The following SDK1 variants were observed in gnomAD, a reference collection of about 807,000 sequenced individuals.
The protein encoded by SDK1 is sidekick cell adhesion molecule 1, also known as protein sidekick-1.
In SDK1, 157 loss-of-function variants were observed where a neutral mutation model predicts 245.5. The observed-to-expected ratio is 0.64, with a 90% CI of 0.56 to 0.73. The LOEUF (loss-of-function observed/expected upper bound fraction) is 0.73. SDK1 is among the 30% of genes least tolerant of loss of function. The pLI, the probability that SDK1 is intolerant of heterozygous loss-of-function variation, is 0.00. For missense variants in SDK1, 3,583 were observed against 3,002.3 expected, an observed-to-expected ratio of 1.19 and a Z score of -4.52; for synonymous variants, 1,647 against 1,278.5, an observed-to-expected ratio of 1.29 and a Z score of -6.15.
rs190202390 is a variant in SDK1, at chr7:3,393,961, G to A, written c.298+92077G>A. Among the ~76,000 whole-genome samples, 177 of 152,174 alleles carry A rather than the reference G, an allele frequency of 1.2e-3. 1 individual carries two copies. The highest frequency in any genetic ancestry group is 4.1e-3 in the African/African-American group (169 of 41,528). On this transcript the variant is annotated intron_variant, in intron 1 of 44. Coordinates refer to ENST00000404826, the MANE Select transcript of SDK1 (RefSeq NM_152744.4). ...ATTTATTATAGTGTTCATCATTTGGGCTTATTTGTACCCATCCTTCTTGGG... is the reference window on the plus strand; with the variant it reads ...ATTTATTATAGTGTTCATCATTTGGACTTATTTGTACCCATCCTTCTTGGG...
intron 31 of SDK1, among the ~76,000 whole-genome samples, chr7:4,158,858 G>T (rs931552309): frequency 3.1e-4 from 47 of 152,310 alleles, no homozygotes; most frequent in African/African-American, 1.0e-3. Context: ...GGGTAGCTGG[G>T]TTTTAAGAGA....
intron 5 of SDK1, among the ~76,000 whole-genome samples, chr7:3,908,766 G>A (rs184924996): frequency 6.6e-6 from 1 of 152,142 alleles, no homozygotes; most frequent in Non-Finnish European, 1.5e-5. Flanking sequence ...GTGTCTCCCG[G>A]ATGTCTAGAG....
chr7:3,431,312 G>C (rs939011911), intron 1 of SDK1, among the ~76,000 whole-genome samples: 7 of 147,682 alleles, frequency 4.7e-5, no homozygotes, highest in African/African-American at 1.8e-4. Context: ...AAAGAGCTGT[G>C]ATATGAAGAA....
intron 4 of SDK1, among the ~76,000 whole-genome samples, chr7:3,672,036 C>T (rs914979654): frequency 1.3e-5 from 2 of 152,236 alleles, no homozygotes; most frequent in Admixed American, 6.5e-5. Flanking sequence ...CTCTGAAGTC[C>T]TGGCGGCCTC....
chr7:4,258,351 C>T (rs1787753013), intron 44 of SDK1, among the ~76,000 whole-genome samples: 1 of 152,114 alleles, frequency 6.6e-6, no homozygotes, highest in African/African-American at 2.4e-5. Flanking sequence ...GAGGGGTGGG[C>T]AGGGGTGTAC....
chr7:4,147,074 C>G (rs1332951902), intron 29 of SDK1, among the ~76,000 whole-genome samples: 1 of 152,236 alleles, frequency 6.6e-6, no homozygotes, highest in Non-Finnish European at 1.5e-5. Flanking sequence ...ACTCCAGGTC[C>G]TGATGTCATG....
chr7:3,303,253 A>G (rs1779328671), intron 1 of SDK1, among the ~76,000 whole-genome samples: 1 of 152,250 alleles, frequency 6.6e-6, no homozygotes, highest in African/African-American at 2.4e-5. Context: ...GGATCTGTAG[A>G]TTGTTAGAGC....
chr7:3,949,644 A>G (rs1780718558), intron 5 of SDK1, among the ~76,000 whole-genome samples: 1 of 152,154 alleles, frequency 6.6e-6, no homozygotes, highest in Admixed American at 6.5e-5. Flanking sequence ...GAAATGTTGG[A>G]TTGGTCTTCA....
chr7:3,820,575 T>C (rs988308213), intron 4 of SDK1, among the ~76,000 whole-genome samples: 2 of 152,204 alleles, frequency 1.3e-5, no homozygotes, highest in African/African-American at 4.8e-5. Context: ...TGAATGGAAG[T>C]TGTGTCTTTC....
chr7:3,520,176 A>G (rs1224798187), intron 1 of SDK1, among the ~76,000 whole-genome samples: 1 of 152,182 alleles, frequency 6.6e-6, no homozygotes, highest in East Asian at 1.9e-4. Context: ...TTACATGTAT[A>G]TGCTGCCTGT....
chr7:4,116,433 G>A (rs537822173), intron 25 of SDK1, among the ~76,000 whole-genome samples: 11 of 152,302 alleles, frequency 7.2e-5, no homozygotes, highest in East Asian at 3.9e-4. Context: ...CGTGCCACCC[G>A]CTCTGTGTGC....
chr7:3,714,332 T>C (rs1785137772), intron 4 of SDK1, among the ~76,000 whole-genome samples: 1 of 152,206 alleles, frequency 6.6e-6, no homozygotes, highest in Admixed American at 6.5e-5. Flanking sequence ...ATTCTTAGAA[T>C]TAAATATTTG....
At chr7:3,647,002 G>A (rs1009181648) in intron 4 of SDK1, among the ~76,000 whole-genome samples, 2 of 152,176 alleles carry the variant, frequency 1.3e-5, no homozygotes, top group African/African-American at 4.8e-5. Flanking sequence ...TCACAAGATG[G>A]AAAGATGTGC....
chr7:4,212,863 C>A (rs1186070216), intron 38 of SDK1, among the ~76,000 whole-genome samples: 1 of 152,210 alleles, frequency 6.6e-6, no homozygotes, highest in Admixed American at 6.5e-5. Context: ...TTTTCCCATT[C>A]TTCCTCAAGT....
At chr7:4,119,788 C>T (rs993454584) in intron 25 of SDK1, among the ~76,000 whole-genome samples, 2 of 148,668 alleles carry the variant, frequency 1.3e-5, no homozygotes, top group Non-Finnish European at 3.0e-5. Flanking sequence ...TTGTCAAGCA[C>T]ACAGGCAATG....
intron 4 of SDK1, among the ~76,000 whole-genome samples, chr7:3,702,015 A>T (rs1482694327): frequency 6.6e-6 from 1 of 151,580 alleles, no homozygotes; most frequent in East Asian, 1.9e-4. Context: ...AGTGTGTTGG[A>T]TTAAGTGTGA....
intron 5 of SDK1, among the ~76,000 whole-genome samples, chr7:3,902,831 T>G (rs1417101458): frequency 1.3e-5 from 2 of 150,888 alleles, no homozygotes; most frequent in Non-Finnish European, 2.9e-5. Context: ...TTTGTTTTGC[T>G]GAAATAAGAA....
chr7:4,219,497 C>G (rs568126616), intron 38 of SDK1, among the ~76,000 whole-genome samples: 2 of 152,298 alleles, frequency 1.3e-5, no homozygotes, highest in South Asian at 4.1e-4. Flanking sequence ...GGAGAACCTC[C>G]CATTTATAAA....
intron 4 of SDK1, among the ~76,000 whole-genome samples, chr7:3,795,577 G>A (rs1778943068): frequency 6.6e-6 from 1 of 152,120 alleles, no homozygotes; most frequent in Admixed American, 6.5e-5. Flanking sequence ...GTATCTGGCT[G>A]TTAAATGCCT....
Sources: allele counts gnomAD v4.1 joint callset (sites outside exome capture counted in the v4.1 genomes callset), GRCh38; gene constraint gnomAD v4.1.1; transcripts MANE v1.5; gene names NCBI Gene and HGNC (gene_info 2026-07-23, HGNC 2026-07-21).